The following CSMD1 variants were observed in gnomAD, a reference collection of about 807,000 sequenced individuals.
CSMD1 encodes the protein CUB and sushi domain-containing protein 1.
Under a neutral mutation model 417.5 loss-of-function variants are expected in CSMD1, and 213 were observed. The ratio of observed to expected loss-of-function variants is 0.51; its 90% CI spans 0.46 to 0.57. The LOEUF (loss-of-function observed/expected upper bound fraction) is 0.57, where lower values mean the gene tolerates loss of function less well. Among genes scored for constraint, CSMD1 ranks in the 20% least tolerant of loss-of-function variants. The probability of loss-of-function intolerance (pLI) is 0.00; values close to 1 mark genes in which losing one functional copy is unlikely to be tolerated. For missense variants in CSMD1, 6,923 were observed against 4,529.7 expected (o/e 1.53, Z -15.17); for synonymous variants, 2,862 against 1,736.8 (o/e 1.65, Z -16.11).
intron 2 of CSMD1, among the ~76,000 whole-genome samples, chr8:4,452,427 T>G (rs539734767): frequency 9.2e-5 from 14 of 152,318 alleles, no homozygotes; most frequent in African/African-American, 3.4e-4. Context: ...ACACGGTGAT[T>G]CTTGACAAAT....
chr8:4,552,896 G>A (rs1244082696), intron 2 of CSMD1, among the ~76,000 whole-genome samples: 3 of 152,118 alleles, frequency 2.0e-5, no homozygotes, highest in Admixed American at 2.0e-4. Context: ...TCTTCCCTAG[G>A]AACAGGTGAG....
chr8:3,677,226 G>A (rs183121404), intron 7 of CSMD1, among the ~76,000 whole-genome samples: 11 of 152,102 alleles, frequency 7.2e-5, no homozygotes, highest in South Asian at 4.2e-4. Context: ...GGAAAACACC[G>A]CTTAAAAGTC....
chr8:4,950,447 G>C (rs923238676), intron 1 of CSMD1, among the ~76,000 whole-genome samples: 1 of 152,106 alleles, frequency 6.6e-6, no homozygotes, highest in South Asian at 2.1e-4. Context: ...GACTCAACTT[G>C]TGAAAAAGCA....
Position 4,594,588 on chromosome 8 carries a change from C to T in CSMD1, c.302+42754G>A, listed in dbSNP as rs117337511. Among the ~76,000 whole-genome samples, 50 of 152,278 alleles carry T rather than the reference C, an allele frequency of 3.3e-4. No individual in the cohort carries two copies. In the East Asian group the frequency reaches 9.3e-3, roughly 28 times the overall value. On this transcript the variant is annotated intron_variant, in intron 2 of 69. Coordinates refer to ENST00000635120, the MANE Select transcript of CSMD1 (RefSeq NM_033225.6). ...TGCGTTTTTTTGGAGGGGGGCACAA[C>T]TTAACCCATAACAGGAAACAAGAAG...
chr8:2,977,137 T>A (rs1481146351), intron 55 of CSMD1, among the ~76,000 whole-genome samples: 1 of 152,160 alleles, frequency 6.6e-6, no homozygotes, highest in Non-Finnish European at 1.5e-5. Flanking sequence ...CTGGGATGCA[T>A]GTGCAGGGTG....
intron 2 of CSMD1, among the ~76,000 whole-genome samples, chr8:4,440,776 AC>A (rs1422519532): frequency 6.6e-6 from 1 of 152,066 alleles, no homozygotes; most frequent in Non-Finnish European, 1.5e-5. Context: ...CGAGCAGATC[AC>A]CTGAGGTCAG....
chr8:3,204,156 G>C (rs1278055583), intron 31 of CSMD1, among the ~76,000 whole-genome samples: 2 of 152,222 alleles, frequency 1.3e-5, no homozygotes, highest in Non-Finnish European at 2.9e-5. Context: ...TGCCAGATAG[G>C]ATGTGATCGT....
intron 3 of CSMD1, among the ~76,000 whole-genome samples, chr8:4,187,855 G>T (rs1417047379): frequency 6.6e-6 from 1 of 151,914 alleles, no homozygotes; most frequent in African/African-American, 2.4e-5. Flanking sequence ...TTCATAGGCA[G>T]TTTTATACTT....
chr8:4,651,474 G>C (rs114812144), intron 1 of CSMD1, among the ~76,000 whole-genome samples: 1 of 152,044 alleles, frequency 6.6e-6, no homozygotes, highest in African/African-American at 2.4e-5. Context: ...CTGGTGGGGG[G>C]AGGAATTGAA....
At chr8:4,580,316 T>C (rs547503977) in intron 2 of CSMD1, among the ~76,000 whole-genome samples, 2 of 152,292 alleles carry the variant, frequency 1.3e-5, no homozygotes, top group South Asian at 2.1e-4. Flanking sequence ...TCCAGGAAGG[T>C]ACATGAAAGA....
chr8:4,898,338 A>C (rs1239992972), intron 1 of CSMD1, among the ~76,000 whole-genome samples: 1 of 152,164 alleles, frequency 6.6e-6, no homozygotes. Flanking sequence ...CATTAGATTT[A>C]TAATTATTTG....
intron 10 of CSMD1, among the ~76,000 whole-genome samples, chr8:3,522,136 C>T (rs575016959): frequency 6.6e-6 from 1 of 152,234 alleles, no homozygotes; most frequent in East Asian, 1.9e-4. Context: ...TTTAAACTAC[C>T]ACTCTGACTG....
At chr8:4,607,506 C>A (rs984481892) in intron 2 of CSMD1, among the ~76,000 whole-genome samples, 2 of 152,084 alleles carry the variant, frequency 1.3e-5, no homozygotes, top group Non-Finnish European at 2.9e-5. Context: ...GCCAAGCTGG[C>A]TAAGACAAAC....
intron 11 of CSMD1, among the ~76,000 whole-genome samples, chr8:3,470,030 G>GTCTA (rs1301829554): frequency 6.6e-6 from 1 of 152,038 alleles, no homozygotes; most frequent in Non-Finnish European, 1.5e-5. Context: ...GATCGTGAAT[G>GTCTA]TCTAACTCTA....
intron 12 of CSMD1, among the ~76,000 whole-genome samples, chr8:3,441,564 G>A (rs1171547069): frequency 6.7e-6 from 1 of 150,184 alleles, no homozygotes; most frequent in Middle Eastern, 3.3e-3. Flanking sequence ...ATCAATGATG[G>A]ATCATGTATA....
intron 3 of CSMD1, among the ~76,000 whole-genome samples, chr8:4,314,622 CACACAA>C (rs1000726834): frequency 3.3e-5 from 5 of 150,756 alleles, no homozygotes; most frequent in African/African-American, 7.3e-5. Flanking sequence ...CACACACACA[CACACAA>C]AAGCAATGTA....
chr8:3,037,524 T>C (rs929014739), intron 50 of CSMD1, among the ~76,000 whole-genome samples: 17 of 152,174 alleles, frequency 1.1e-4, no homozygotes, highest in African/African-American at 4.1e-4. Flanking sequence ...GGATTTCATA[T>C]CTTTGCTATT....
At chr8:4,821,199 C>G (rs1295194467) in intron 1 of CSMD1, among the ~76,000 whole-genome samples, 1 of 152,100 alleles carries the variant, frequency 6.6e-6, no homozygotes, top group Non-Finnish European at 1.5e-5. Flanking sequence ...ACATTCAGGT[C>G]ACGTCATGGA....
At chr8:3,620,051 G>C (rs1272357060) in intron 7 of CSMD1, among the ~76,000 whole-genome samples, 1 of 152,124 alleles carries the variant, frequency 6.6e-6, no homozygotes, top group African/African-American at 2.4e-5. Flanking sequence ...GCAGTGAGCT[G>C]AGACTGTGCC....
Sources: gnomAD v4.1 joint callset for allele counts (sites outside exome capture counted in the v4.1 genomes callset) on GRCh38, gnomAD v4.1.1 for gene constraint, MANE v1.5 for transcripts, NCBI Gene and HGNC (gene_info 2026-07-23, HGNC 2026-07-21) for gene names.